Variants in CADM1 observed in about 807,000 individuals in gnomAD.
CADM1 encodes cell adhesion molecule 1, also known as TSLC-1.
CADM1 carries 15 observed loss-of-function variants against 53.1 expected under a neutral mutation model. The observed-to-expected ratio is 0.28, with a 90% CI of 0.19 to 0.44. The LOEUF (loss-of-function observed/expected upper bound fraction) is 0.44. Ranked by LOEUF, CADM1 falls within the 20% of genes least tolerant of loss-of-function variation. The pLI is 1.00. For synonymous variants in CADM1, 281 were observed against 243.0 expected, an observed-to-expected ratio of 1.16 and a Z score of -1.45; for missense variants, 434 against 611.3, an observed-to-expected ratio of 0.71 and a Z score of 3.06.
chr11:115,190,787 C>T (rs1332155746), intron 10 of CADM1, 101 bp downstream of exon 10: 5 of 960,402 alleles, frequency 5.2e-6, no homozygotes, highest in African/African-American at 4.9e-5. Context: ...GTCTCAAAAT[C>T]CACACTGATT....
intron 1 of CADM1, among the ~76,000 whole-genome samples, chr11:115,348,297 T>C (rs904502335): frequency 3.3e-5 from 5 of 152,178 alleles, no homozygotes; most frequent in Admixed American, 3.3e-4. Context: ...AGATGGTAAA[T>C]TACTAGGCTG....
Position 115,190,905 on chromosome 11 carries a change from T to C in CADM1, c.1148A>G (p.Asp383Gly). 1 of 1,595,410 alleles carries C rather than the reference T, an allele frequency of 6.3e-7. No homozygotes were observed. The highest frequency in any genetic ancestry group is 1.1e-5 in the South Asian group (1 of 89,996). ...TQLPNSAEEL[D>G]SEDLSDSRAG... ...GCCCTTACCTGAGAGGTCCTCACTG[T>C]CCAGTTCTTCTGCGGAATTGGGCAA... The change falls in exon 10 of 12, where the codon GAC (aspartate) becomes GGC (glycine). Residue 383 changes from aspartate (D) to glycine (G), a missense_variant. Coordinates refer to ENST00000331581, the MANE Select transcript of CADM1 (RefSeq NM_001301043.2).
chr11:115,214,994 A>G (rs934842174), intron 6 of CADM1, among the ~76,000 whole-genome samples: 1 of 152,244 alleles, frequency 6.6e-6, no homozygotes, highest in African/African-American at 2.4e-5. Flanking sequence ...ACAGACCACA[A>G]GCAGGAGTCT....
At chr11:115,442,915 T>A (rs945075169) in intron 1 of CADM1, among the ~76,000 whole-genome samples, 1 of 152,224 alleles carries the variant, frequency 6.6e-6, no homozygotes, top group Non-Finnish European at 1.5e-5. Flanking sequence ...TTCATCAGTA[T>A]GTTTATAAGC....
intron 1 of CADM1, among the ~76,000 whole-genome samples, chr11:115,306,558 C>A (rs1007701582): frequency 6.6e-6 from 1 of 151,916 alleles, no homozygotes; most frequent in African/African-American, 2.4e-5. Context: ...TGGTACAGAA[C>A]AGAATCTGGG....
At chr11:115,467,702 G>A (rs1948924868) in intron 1 of CADM1, among the ~76,000 whole-genome samples, 1 of 152,190 alleles carries the variant, frequency 6.6e-6, no homozygotes, top group South Asian at 2.1e-4. Flanking sequence ...TTTTAAAATT[G>A]TCTCAAAGGA....
At chr11:115,268,178 G>C (rs1943200347) in intron 1 of CADM1, among the ~76,000 whole-genome samples, 1 of 152,188 alleles carries the variant, frequency 6.6e-6, no homozygotes, top group Non-Finnish European at 1.5e-5. Flanking sequence ...AGCTGGCTTG[G>C]GGTAAGAGAG....
At chr11:115,502,450 T>C (rs1949749867) in intron 1 of CADM1, among the ~76,000 whole-genome samples, 1 of 148,388 alleles carries the variant, frequency 6.7e-6, no homozygotes, top group Admixed American at 6.9e-5. Flanking sequence ...CTTTTTACAA[T>C]GCAGCAGCAC....
intron 1 of CADM1, among the ~76,000 whole-genome samples, chr11:115,462,047 GCC>G (rs1948807082): frequency 6.6e-6 from 1 of 152,152 alleles, no homozygotes; most frequent in South Asian, 2.1e-4. Context: ...AAAAGAGCTA[GCC>G]CAAGTGCTGC....
rs185995086 is a variant in CADM1 at position 115,435,594 on chromosome 11, G to A, written c.124+68677C>T. Among the ~76,000 whole-genome samples the A allele has an allele frequency of 2.1e-4, 32 of 152,140 alleles. No homozygotes were observed. In the East Asian group the frequency reaches 2.5e-3, roughly 12 times the overall value. On this transcript the variant is annotated intron_variant, in intron 1 of 11. Transcript: ENST00000331581. Reference sequence around the variant, plus strand: ...CTAAAAATACAAAAATTAGCTGGGCGTGACAGCTGGTGCCTATAGTCCCAG... The same window carrying A: ...CTAAAAATACAAAAATTAGCTGGGCATGACAGCTGGTGCCTATAGTCCCAG...
At chr11:115,340,753 C>A (rs1380379671) in intron 1 of CADM1, among the ~76,000 whole-genome samples, 35 of 145,896 alleles carry the variant, frequency 2.4e-4, no homozygotes, top group African/African-American at 8.9e-4. Context: ...CTCTGCCTCC[C>A]GGGTTCAAGA....
At chr11:115,266,230 G>A (rs1943133598) in intron 1 of CADM1, among the ~76,000 whole-genome samples, 1 of 152,216 alleles carries the variant, frequency 6.6e-6, no homozygotes, top group Non-Finnish European at 1.5e-5. Context: ...CAAAACAAAG[G>A]TAATATTACT....
chr11:115,258,023 A>G (rs1265166883), intron 1 of CADM1, among the ~76,000 whole-genome samples: 3 of 152,212 alleles, frequency 2.0e-5, no homozygotes, highest in African/African-American at 4.8e-5. Context: ...CAACCATCAA[A>G]GTATTTGCCT....
intron 1 of CADM1, chr11:115,445,900 C>T (rs999974112): frequency 2.2e-5 from 7 of 316,512 alleles, no homozygotes; most frequent in African/African-American, 9.0e-5. Context: ...TGCTTTAAGA[C>T]AGAAGAATAT....
At chr11:115,261,592 C>G (rs1942975180) in intron 1 of CADM1, among the ~76,000 whole-genome samples, 1 of 152,108 alleles carries the variant, frequency 6.6e-6, no homozygotes, top group South Asian at 2.1e-4. Context: ...TAATTACTAT[C>G]TTATGTGTCC....
At chr11:115,257,813 G>C (rs184592658) in intron 1 of CADM1, among the ~76,000 whole-genome samples, 1 of 152,156 alleles carries the variant, frequency 6.6e-6, no homozygotes, top group Non-Finnish European at 1.5e-5. Flanking sequence ...GCATACATCT[G>C]CATTCTCAAA....
intron 1 of CADM1, among the ~76,000 whole-genome samples, chr11:115,418,987 T>C (rs570635480): frequency 6.6e-6 from 1 of 152,196 alleles, no homozygotes; most frequent in Non-Finnish European, 1.5e-5. Flanking sequence ...GAACTGTTAA[T>C]TGGGTCCCAT....
rs1565349447 is a variant in CADM1 at position 115,295,542 on chromosome 11, AT to A, written c.125-55123del. 6.4e-3 allele frequency among the ~76,000 whole-genome samples: 361 copies of A among 56,242 alleles called. 8 individuals carry two copies. In the East Asian group the frequency reaches 0.099, roughly 15 times the overall value. The allele number at this position is 56,242 out of a possible 152,430, so 36.9% of individuals were successfully genotyped here. A position where few individuals can be genotyped will look rare whatever the true frequency, so the allele number is the denominator to read the frequency against. ...TATATATATATATATATATATATAT[AT>A]ATATATAATATATATGTATATGCAC... is the stretch of plus-strand genomic sequence containing the variant. On this transcript the variant is annotated intron_variant, in intron 1 of 11. Transcript: ENST00000331581.
chr11:115,337,371 G>A (rs1437252110), intron 1 of CADM1, among the ~76,000 whole-genome samples: 1 of 152,044 alleles, frequency 6.6e-6, no homozygotes, highest in Non-Finnish European at 1.5e-5. Context: ...TTACCAACTT[G>A]CTATCCTATT....
Sources: gnomAD v4.1 joint callset for allele counts (sites outside exome capture counted in the v4.1 genomes callset) on GRCh38, gnomAD v4.1.1 for gene constraint, MANE v1.5 for transcripts, NCBI Gene and HGNC (gene_info 2026-07-23, HGNC 2026-07-21) for gene names.